Variants in VPS13B observed in about 807,000 individuals in gnomAD.
The protein encoded by VPS13B is intermembrane lipid transfer protein VPS13B.
Under a neutral mutation model 426.4 loss-of-function variants are expected in VPS13B, and 285 were observed. The ratio of observed to expected loss-of-function variants is 0.67; its 90% CI spans 0.61 to 0.74. The LOEUF is 0.74. Among genes scored for constraint, VPS13B ranks in the 30% least tolerant of loss-of-function variants. The pLI is 0.00. For missense variants in VPS13B, 4,537 were observed against 4,782.6 expected (o/e 0.95, Z 1.51); for synonymous variants, 1,676 against 1,676.4 (o/e 1.00, Z 0.01).
chr8:99,489,812 A>G (rs1820504495), intron 25 of VPS13B, among the ~76,000 whole-genome samples: 1 of 152,312 alleles, frequency 6.6e-6, no homozygotes, highest in East Asian at 1.9e-4. Flanking sequence ...GGCTGAGACA[A>G]TGGGGTTTTC....
intron 30 of VPS13B, among the ~76,000 whole-genome samples, chr8:99,555,165 A>C (rs905610630): frequency 6.6e-6 from 1 of 151,994 alleles, no homozygotes; most frequent in African/African-American, 2.4e-5. Flanking sequence ...GAATTAATTA[A>C]TGTCAGCCCT....
At chr8:99,442,708 T>A (rs1329462387) in intron 23 of VPS13B, 73 bp downstream of exon 23, 2 of 1,437,948 alleles carry the variant, frequency 1.4e-6, no homozygotes, top group African/African-American at 2.8e-5. Flanking sequence ...TGTTTTTAAA[T>A]GTGTCAGTGT....
intron 55 of VPS13B, among the ~76,000 whole-genome samples, chr8:99,849,917 A>C (rs6985771): frequency 0.075 from 10,225 of 137,032 alleles, 1,448 homozygotes; most frequent in African/African-American, 0.22. Flanking sequence ...CTGTACATAC[A>C]TACATAAGTA....
At position 99,467,500 on chromosome 8, in the gene VPS13B, C is replaced by G. The variant is rs1322030767; in HGVS notation, c.3532C>G (p.Pro1178Ala). 8 of 1,613,608 alleles carry G rather than the reference C, an allele frequency of 5.0e-6. No homozygotes were observed. Among genetic ancestry groups the G allele is most frequent in the Non-Finnish European group, 5.9e-6 (7 of 1,179,796 alleles). ...ACAAGTGACACTTTGCCTAGTGGAA[C>G]CTATGGGTTGCACCTCCACTCTAGC... ...GKQVTLCLVE[P>A]MGCTSTLAVT... The change falls in exon 24 of 62, where the codon CCT becomes GCT. Residue 1178 changes from proline to alanine, a missense_variant. By Grantham distance (27) the Pro-to-Ala change is conservative (BLOSUM62 -1). Coordinates refer to ENST00000357162, the MANE Select transcript of VPS13B (RefSeq NM_152564.5).
intron 3 of VPS13B, among the ~76,000 whole-genome samples, chr8:99,065,880 C>A (rs11987800): frequency 0.083 from 12,627 of 152,148 alleles, 888 homozygotes; most frequent in African/African-American, 0.19. Flanking sequence ...AGAGCCAAAT[C>A]ATGAGTGAAC....
At chr8:99,856,486 T>C (rs1816553478) in intron 56 of VPS13B, among the ~76,000 whole-genome samples, 1 of 152,200 alleles carries the variant, frequency 6.6e-6, no homozygotes, top group African/African-American at 2.4e-5. Context: ...CTGCCTGTCA[T>C]GGAAAACACC....
chr8:99,431,732 A>C (rs1024804363), intron 22 of VPS13B, 68 bp downstream of exon 22: 8 of 1,520,756 alleles, frequency 5.3e-6, no homozygotes, highest in Non-Finnish European at 1.8e-6. Flanking sequence ...AGCATTGTTA[A>C]TATTGGTAAG....
intron 19 of VPS13B, among the ~76,000 whole-genome samples, chr8:99,295,755 G>A (rs1012559281): frequency 6.6e-6 from 1 of 152,142 alleles, no homozygotes; most frequent in African/African-American, 2.4e-5. Flanking sequence ...AAGGCCAGGC[G>A]CAATGGCTCA....
intron 40 of VPS13B, among the ~76,000 whole-genome samples, chr8:99,775,929 T>C (rs1275766275): frequency 2.0e-5 from 3 of 152,068 alleles, no homozygotes. Flanking sequence ...ATTTAACTTG[T>C]ATAAAATAGT....
chr8:99,544,511 C>T lies in VPS13B; in HGVS notation c.4746-11939C>T, dbSNP rs139657421. Among the ~76,000 whole-genome samples the T allele has an allele frequency of 3.7e-3, 559 of 151,896 alleles. 3 individuals carry two copies. Among genetic ancestry groups the T allele is most frequent in the African/African-American group, 0.012 (491 of 41,438 alleles). On this transcript the variant is annotated intron_variant, in intron 30 of 61. Coordinates refer to ENST00000357162, the MANE Select transcript of VPS13B (RefSeq NM_152564.5). ...TATTTACTGAATTTTATAATTCAGC[C>T]GTAATTATTATACTTATTGAATGTT...
At chr8:99,018,701 A>T (rs1587919700) in intron 2 of VPS13B, among the ~76,000 whole-genome samples, 1 of 152,182 alleles carries the variant, frequency 6.6e-6, no homozygotes, top group African/African-American at 2.4e-5. Flanking sequence ...AAAGTATTCA[A>T]TGTTTTACTA....
chr8:99,277,949 T>A (rs1321926136), intron 19 of VPS13B, among the ~76,000 whole-genome samples: 3 of 152,190 alleles, frequency 2.0e-5, no homozygotes, highest in Admixed American at 2.0e-4. Context: ...AAGTATCTAA[T>A]GGAATAGAGA....
intron 21 of VPS13B, chr8:99,424,376 A>G (rs1816564986): frequency 6.6e-6 from 1 of 152,112 alleles, no homozygotes; most frequent in South Asian, 2.1e-4. Flanking sequence ...TTTGCCAGCC[A>G]GTCAAACTAG....
intron 3 of VPS13B, among the ~76,000 whole-genome samples, chr8:99,059,130 C>G (rs1033717704): frequency 3.3e-5 from 5 of 152,114 alleles, no homozygotes; most frequent in Admixed American, 3.3e-4. Context: ...AAAACTTTCT[C>G]TTCTTTTGGA....
chr8:99,597,748 A>G (rs1827089508), intron 33 of VPS13B, among the ~76,000 whole-genome samples: 1 of 152,016 alleles, frequency 6.6e-6, no homozygotes, highest in African/African-American at 2.4e-5. Context: ...ACTTTAGGTT[A>G]TGTGAGCAAA....
chr8:99,128,794 A>G (rs1042208056), intron 8 of VPS13B, among the ~76,000 whole-genome samples: 2 of 152,098 alleles, frequency 1.3e-5, no homozygotes, highest in East Asian at 1.9e-4. Flanking sequence ...TTTTCTTTGT[A>G]TTAGTACTAA....
intron 33 of VPS13B, among the ~76,000 whole-genome samples, chr8:99,596,785 G>A (rs891955037): frequency 1.3e-5 from 2 of 151,990 alleles, no homozygotes; most frequent in African/African-American, 4.8e-5. Context: ...TTGCAGAATA[G>A]AAATATAGTA....
At chr8:99,501,640 T>C in intron 25 of VPS13B, 47 bp from the exon 26 acceptor site, 2 of 1,572,264 alleles carry the variant, frequency 1.3e-6, no homozygotes, top group South Asian at 1.1e-5. Context: ...TTTTCTGTTA[T>C]TTTTGTTTAT....
chr8:99,151,877 A>G (rs1248513916), intron 14 of VPS13B, among the ~76,000 whole-genome samples: 1 of 151,966 alleles, frequency 6.6e-6, no homozygotes. Context: ...TGTCCTTGGG[A>G]TTTGTAACAA....
Sources: allele counts gnomAD v4.1 joint callset (sites outside exome capture counted in the v4.1 genomes callset), GRCh38; gene constraint gnomAD v4.1.1; transcripts MANE v1.5; gene names NCBI Gene and HGNC (gene_info 2026-07-23, HGNC 2026-07-21).